Variants in TBC1D5 observed in about 807,000 individuals in gnomAD.
TBC1D5 encodes TBC1 domain family member 5, also known as TBC1 domain family, member 5.
A neutral mutation model predicts 100.3 loss-of-function variants in TBC1D5; 75 were observed. That is an observed-to-expected ratio of 0.75 (90% CI 0.62 to 0.91). TBC1D5 has a LOEUF of 0.91. TBC1D5 is among the 40% of genes least tolerant of loss of function. The pLI is 0.00. For synonymous variants in TBC1D5, 323 were observed against 325.6 expected, an observed-to-expected ratio of 0.99 and a Z score of 0.09; for missense variants, 910 against 942.4, an observed-to-expected ratio of 0.97 and a Z score of 0.45.
At chr3:17,722,617 G>C (rs537338599) in intron 1 of TBC1D5, among the ~76,000 whole-genome samples, 1 of 152,310 alleles carries the variant, frequency 6.6e-6, no homozygotes, top group African/African-American at 2.4e-5. Context: ...CCCACTCAGA[G>C]TCATACACTG....
intron 19 of TBC1D5, 93 bp downstream of exon 20, chr3:17,185,016 A>T (rs1473726197): frequency 9.3e-7 from 1 of 1,072,866 alleles, no homozygotes; most frequent in African/African-American, 1.6e-5. Flanking sequence ...TAATTCATGT[A>T]AACAGCTTAG....
chr3:17,566,100 A>G (rs2096591868), intron 2 of TBC1D5, among the ~76,000 whole-genome samples: 1 of 152,018 alleles, frequency 6.6e-6, no homozygotes, highest in South Asian at 2.1e-4. Flanking sequence ...TTTTAAAGAC[A>G]CTGTAATATA....
chr3:17,447,466 C>T (rs1218108071), intron 3 of TBC1D5, among the ~76,000 whole-genome samples: 2 of 152,110 alleles, frequency 1.3e-5, no homozygotes, highest in East Asian at 3.9e-4. Context: ...GGTAGAAGAA[C>T]TGATCTGAAA....
In TBC1D5 at chr3:17,698,015, C is replaced by G. The variant is rs2072428506; in HGVS notation, c.-101+41328G>C. Reference sequence around the variant, plus strand: ...GCCATCCCCATCAAGCTACCAATGACTTTCTTCACAGAATTGGAAAAAACT... The same window carrying G: ...GCCATCCCCATCAAGCTACCAATGAGTTTCTTCACAGAATTGGAAAAAACT... On this transcript the variant is annotated intron_variant, in intron 1 of 21. Transcript: ENST00000253692. Among the ~76,000 whole-genome samples, 6 of 152,094 alleles carry G rather than the reference C, an allele frequency of 3.9e-5. No homozygotes were observed. In the South Asian group the frequency reaches 1.3e-3, roughly 32 times the overall value.
In TBC1D5 at chr3:17,481,894, C is replaced by A. The variant is rs1376095886; in HGVS notation, c.97+26580G>T. Among the ~76,000 whole-genome samples the A allele has an allele frequency of 2.6e-5, 4 of 152,174 alleles. No individual in the cohort carries two copies. The East Asian group carries it at 7.7e-4, about 29-fold the overall frequency. Reference sequence around the variant, plus strand: ...TAGCTGGGATTACAGGCATGTGCCACCACGCCTGGCTAATTTTTATATTTT... The same window carrying A: ...TAGCTGGGATTACAGGCATGTGCCAACACGCCTGGCTAATTTTTATATTTT... On this transcript the variant is annotated intron_variant, in intron 3 of 21. Transcript: ENST00000253692.
chr3:17,600,822 C>T (rs558974328), intron 2 of TBC1D5, among the ~76,000 whole-genome samples: 2 of 151,582 alleles, frequency 1.3e-5, no homozygotes, highest in Non-Finnish European at 2.9e-5. Flanking sequence ...ATTTGAAAGA[C>T]CGGGCGGGGG....
At chr3:17,340,336 T>C (rs181839755) in intron 13 of TBC1D5, among the ~76,000 whole-genome samples, 95 of 152,304 alleles carry the variant, frequency 6.2e-4, no homozygotes, top group Admixed American at 2.8e-3. Flanking sequence ...TATAACCACA[T>C]TGGGCCAGTG....
intron 18 of TBC1D5, among the ~76,000 whole-genome samples, chr3:17,198,431 A>C (rs1244995271): frequency 6.6e-6 from 1 of 152,240 alleles, no homozygotes; most frequent in Non-Finnish European, 1.5e-5. Flanking sequence ...AACATAGAAC[A>C]TAGGATTAAA....
At chr3:17,555,141 G>A (rs954635552) in intron 2 of TBC1D5, among the ~76,000 whole-genome samples, 17 of 151,810 alleles carry the variant, frequency 1.1e-4, no homozygotes, top group African/African-American at 4.1e-4. Flanking sequence ...GAGCCATTGC[G>A]CCAGGCCTTG....
intron 8 of TBC1D5, among the ~76,000 whole-genome samples, chr3:17,388,994 T>C (rs2093264700): frequency 6.6e-6 from 1 of 152,178 alleles, no homozygotes; most frequent in Non-Finnish European, 1.5e-5. Context: ...CTAAAAATTC[T>C]TAACACTTTG....
At chr3:17,514,650 A>C (rs1343879877) in intron 2 of TBC1D5, among the ~76,000 whole-genome samples, 1 of 152,226 alleles carries the variant, frequency 6.6e-6, no homozygotes, top group African/African-American at 2.4e-5. Flanking sequence ...TAAATATTTT[A>C]TATTACAAAC....
chr3:17,676,269 T>C (rs2068619317), intron 1 of TBC1D5, among the ~76,000 whole-genome samples: 1 of 152,122 alleles, frequency 6.6e-6, no homozygotes, highest in Non-Finnish European at 1.5e-5. Context: ...ATTTTGTTTA[T>C]GTTTTCATTC....
intron 2 of TBC1D5, among the ~76,000 whole-genome samples, chr3:17,582,904 G>A (rs1346088660): frequency 1.3e-5 from 2 of 152,066 alleles, no homozygotes; most frequent in Non-Finnish European, 2.9e-5. Context: ...TATGTTCACT[G>A]GTCAGGTAAT....
intron 9 of TBC1D5, among the ~76,000 whole-genome samples, chr3:17,383,494 T>C (rs1182588243): frequency 2.0e-5 from 3 of 152,076 alleles, no homozygotes; most frequent in African/African-American, 4.8e-5. Context: ...AGAAACTTTC[T>C]GAAGTTCTAT....
chr3:17,263,740 GT>G (rs1221513905), intron 15 of TBC1D5, among the ~76,000 whole-genome samples: 3 of 152,180 alleles, frequency 2.0e-5, no homozygotes, highest in Non-Finnish European at 4.4e-5. Context: ...GTAGATGCAA[GT>G]TTTCTAGAAG....
chr3:17,546,320 A>G (rs2096414390), intron 2 of TBC1D5, among the ~76,000 whole-genome samples: 1 of 152,190 alleles, frequency 6.6e-6, no homozygotes, highest in East Asian at 1.9e-4. Context: ...ACACAACTTA[A>G]TTTTATATTG....
chr3:17,183,439 G>A (rs530139983), intron 19 of TBC1D5, among the ~76,000 whole-genome samples: 3 of 152,150 alleles, frequency 2.0e-5, no homozygotes, highest in Non-Finnish European at 4.4e-5. Flanking sequence ...TGGCGACTTG[G>A]TTATAGGTCT....
chr3:17,337,723 C>T (rs541766627), intron 13 of TBC1D5: 27 of 152,206 alleles, frequency 1.8e-4, no homozygotes, highest in African/African-American at 6.5e-4. Flanking sequence ...AATAACATCT[C>T]TATATAATCC....
At chr3:17,338,150 G>A (rs2088234419) in intron 13 of TBC1D5, among the ~76,000 whole-genome samples, 1 of 152,016 alleles carries the variant, frequency 6.6e-6, no homozygotes, top group Non-Finnish European at 1.5e-5. Flanking sequence ...TGTTGTTTAG[G>A]GAATCCTAAA....
Sources: allele counts gnomAD v4.1 joint callset (sites outside exome capture counted in the v4.1 genomes callset), GRCh38; gene constraint gnomAD v4.1.1; transcripts MANE v1.5; gene names NCBI Gene and HGNC (gene_info 2026-07-23, HGNC 2026-07-21).